MCOLN2: variants seen among roughly 807,000 people sequenced by gnomAD.
The protein encoded by MCOLN2 is mucolipin TRP cation channel 2.
In MCOLN2, 57 loss-of-function variants were observed where a neutral mutation model predicts 67.5. That is an observed-to-expected ratio of 0.84 (90% CI 0.68 to 1.05). The LOEUF is 1.05. MCOLN2 is among the 50% of genes least tolerant of loss of function. MCOLN2 has a pLI of 0.00. For missense variants in MCOLN2, 620 were observed against 678.8 expected (o/e 0.91, Z 0.96); for synonymous variants, 246 against 233.3 (o/e 1.05, Z -0.50).
chr1:84,967,281 C>T (rs1438878601), intron 1 of MCOLN2, among the ~76,000 whole-genome samples: 2 of 152,156 alleles, frequency 1.3e-5, no homozygotes, highest in Non-Finnish European at 2.9e-5. Context: ...CCATTTGAGT[C>T]AACAAATACC....
intron 1 of MCOLN2, among the ~76,000 whole-genome samples, chr1:84,969,618 C>A (rs1204641777): frequency 6.6e-6 from 1 of 151,464 alleles, no homozygotes; most frequent in African/African-American, 2.4e-5. Flanking sequence ...CACAATGAGT[C>A]TCATTCAAAA....
chr1:84,974,487 CT>C (rs1649899272), intron 1 of MCOLN2, among the ~76,000 whole-genome samples: 2 of 151,986 alleles, frequency 1.3e-5, no homozygotes, highest in Non-Finnish European at 2.9e-5. Flanking sequence ...CATAATGCCT[CT>C]GTTCCAGGCC....
intron 6 of MCOLN2, among the ~76,000 whole-genome samples, chr1:84,948,992 C>T (rs760163830): frequency 6.6e-5 from 10 of 151,912 alleles, no homozygotes; most frequent in Non-Finnish European, 1.0e-4. Context: ...TAGCTGGGTG[C>T]GGTGGCAGGT....
chr1:84,986,933 A>C (rs1362753429), intron 1 of MCOLN2, among the ~76,000 whole-genome samples: 2 of 152,272 alleles, frequency 1.3e-5, no homozygotes, highest in Non-Finnish European at 2.9e-5. Flanking sequence ...GCTGATGGGA[A>C]TGTAAACTCA....
At chr1:84,958,753 G>A (rs1336609830) in intron 2 of MCOLN2, 51 bp from the exon 3 acceptor site, 1 of 1,332,024 alleles carries the variant, frequency 7.5e-7, no homozygotes, top group East Asian at 2.4e-5. Flanking sequence ...TTTATCAGGG[G>A]AGGCAAATGT....
chr1:84,981,901 T>C (rs1650273677), intron 1 of MCOLN2, among the ~76,000 whole-genome samples: 1 of 152,206 alleles, frequency 6.6e-6, no homozygotes, highest in South Asian at 2.1e-4. Flanking sequence ...TACATGCCTG[T>C]ATCAAAACAT....
At chr1:84,984,396 C>CT (rs36043604) in intron 1 of MCOLN2, among the ~76,000 whole-genome samples, 66,303 of 151,986 alleles carry the variant, frequency 0.44, 15,216 homozygotes, top group East Asian at 0.63. Flanking sequence ...GACATCAATG[C>CT]TTTTGCACAA....
intron 11 of MCOLN2, chr1:84,937,450 A>G (rs1343079290): frequency 6.7e-5 from 22 of 327,204 alleles, no homozygotes; most frequent in Non-Finnish European, 1.0e-4. Context: ...CATTTTTAAT[A>G]TAGTGATCTC....
chr1:84,965,268 C>A (rs1412659912), intron 2 of MCOLN2, among the ~76,000 whole-genome samples: 1 of 152,158 alleles, frequency 6.6e-6, no homozygotes, highest in Non-Finnish European at 1.5e-5. Flanking sequence ...AGTTCCAGAA[C>A]ACAAATGTGT....
chr1:84,948,797 A>G (rs1400643149), intron 6 of MCOLN2, among the ~76,000 whole-genome samples: 1 of 152,260 alleles, frequency 6.6e-6, no homozygotes, highest in Non-Finnish European at 1.5e-5. Context: ...TTAAAAAATT[A>G]CAATTGAGAG....
chr1:84,990,383 T>C (rs2102892521), intron 1 of MCOLN2, among the ~76,000 whole-genome samples: 1 of 147,474 alleles, frequency 6.8e-6, no homozygotes, highest in African/African-American at 2.5e-5. Context: ...GGCACATGTA[T>C]ACATATGTAA....
At chr1:84,963,179 G>T (rs559819620) in intron 2 of MCOLN2, among the ~76,000 whole-genome samples, 1 of 152,238 alleles carries the variant, frequency 6.6e-6, no homozygotes, top group Admixed American at 6.5e-5. Context: ...TCCATAAAAA[G>T]GGGATTATAA....
intron 13 of MCOLN2, among the ~76,000 whole-genome samples, chr1:84,928,540 A>G (rs982663208): frequency 2.0e-5 from 3 of 152,232 alleles, no homozygotes; most frequent in Admixed American, 1.3e-4. Context: ...ACATTTTTCA[A>G]TGAAGTTTAT....
intron 1 of MCOLN2, among the ~76,000 whole-genome samples, chr1:84,968,057 C>T (rs1649471845): frequency 6.6e-6 from 1 of 152,178 alleles, no homozygotes; most frequent in Admixed American, 6.5e-5. Context: ...TTCAAGTACA[C>T]TCAGCTTCCG....
At position 84,926,134 on chromosome 1, in the gene MCOLN2, C is replaced by T. The variant is rs1267243449; in HGVS notation, c.*551G>A. Reference sequence around the variant, plus strand: ...CAAGCTCCTGAGCTCAGTCTGCCTGCCTAGGCCTCCCAAAGTGCTGGGATT... The same window carrying T: ...CAAGCTCCTGAGCTCAGTCTGCCTGTCTAGGCCTCCCAAAGTGCTGGGATT... On this transcript the variant is annotated 3_prime_UTR_variant, in exon 14 of 14. Coordinates refer to ENST00000370608, the MANE Select transcript of MCOLN2 (RefSeq NM_153259.4). 1 of 152,432 alleles carries T rather than the reference C, an allele frequency of 6.6e-6. No homozygotes were observed. 9.4% of individuals were successfully genotyped at this position (152,432 alleles called of 1,614,324 possible).
intron 12 of MCOLN2, 89 bp downstream of exon 12, chr1:84,931,273 T>C (rs1442873150): frequency 2.3e-6 from 2 of 858,488 alleles, no homozygotes; most frequent in Non-Finnish European, 3.7e-6. Context: ...TGAACTGTAA[T>C]ATTTTAAGTT....
At chr1:84,954,852 G>A (rs2102840509) in intron 4 of MCOLN2, among the ~76,000 whole-genome samples, 1 of 152,296 alleles carries the variant, frequency 6.6e-6, no homozygotes, top group African/African-American at 2.4e-5. Flanking sequence ...TTCTAGTGGG[G>A]GAGATAACAG....
At chr1:84,949,045 A>C (rs944712992) in intron 6 of MCOLN2, among the ~76,000 whole-genome samples, 3 of 152,010 alleles carry the variant, frequency 2.0e-5, no homozygotes, top group Admixed American at 2.0e-4. Flanking sequence ...CATGAGAATC[A>C]CTTGAATCTA....
At chr1:84,964,528 G>GC (rs1028150204) in intron 2 of MCOLN2, among the ~76,000 whole-genome samples, 2 of 150,022 alleles carry the variant, frequency 1.3e-5, no homozygotes, top group Non-Finnish European at 3.0e-5. Flanking sequence ...GGCAGGAGTG[G>GC]GGGGGGGTGG....
Sources: gnomAD v4.1 joint callset for allele counts (sites outside exome capture counted in the v4.1 genomes callset) on GRCh38, gnomAD v4.1.1 for gene constraint, MANE v1.5 for transcripts, NCBI Gene and HGNC (gene_info 2026-07-23, HGNC 2026-07-21) for gene names.